Variants in SUCLG2 observed in about 807,000 individuals in gnomAD.
SUCLG2 encodes succinate--CoA ligase [GDP-forming] subunit beta, mitochondrial.
SUCLG2 carries 42 observed loss-of-function variants against 47.9 expected under a neutral mutation model. The observed-to-expected ratio is 0.88, with a 90% CI of 0.69 to 1.14. The LOEUF is 1.14. Ranked by LOEUF, SUCLG2 falls within the 50% of genes most tolerant of loss-of-function variation. The pLI is 0.00. For missense variants in SUCLG2, 571 were observed against 525.9 expected, an observed-to-expected ratio of 1.09 and a Z score of -0.84; for synonymous variants, 195 against 197.3, an observed-to-expected ratio of 0.99 and a Z score of 0.10.
At chr3:67,447,338 A>C (rs1354012986) in intron 9 of SUCLG2, among the ~76,000 whole-genome samples, 2 of 152,230 alleles carry the variant, frequency 1.3e-5, no homozygotes, top group Non-Finnish European at 2.9e-5. Context: ...GACTGTTTAA[A>C]TATAGAAAAT....
chr3:67,429,008 C>A (rs981836244), intron 9 of SUCLG2, among the ~76,000 whole-genome samples: 3 of 152,158 alleles, frequency 2.0e-5, no homozygotes, highest in Non-Finnish European at 4.4e-5. Context: ...GAGAATGGAA[C>A]CAAGTTGGAA....
chr3:67,653,790 G>A (rs941296051), intron 1 of SUCLG2, among the ~76,000 whole-genome samples: 1 of 152,184 alleles, frequency 6.6e-6, no homozygotes, highest in African/African-American at 2.4e-5. Flanking sequence ...TCTGCAGAAG[G>A]TAAAAATCTG....
At chr3:67,568,069 T>G (rs1707509123) in intron 2 of SUCLG2, among the ~76,000 whole-genome samples, 1 of 152,212 alleles carries the variant, frequency 6.6e-6, no homozygotes. Context: ...CAGTGACTTC[T>G]GTTGTGTGTG....
At chr3:67,361,252 T>C (rs905519757) in intron 10 of SUCLG2, among the ~76,000 whole-genome samples, 25 of 152,128 alleles carry the variant, frequency 1.6e-4, no homozygotes, top group African/African-American at 5.6e-4. Flanking sequence ...TATTATAGAG[T>C]TCTCCACCAT....
chr3:67,548,857 C>T (rs780961414), intron 2 of SUCLG2, among the ~76,000 whole-genome samples: 14 of 152,266 alleles, frequency 9.2e-5, no homozygotes, highest in South Asian at 2.1e-4. Flanking sequence ...AAGAGGCACC[C>T]AACAGGTATG....
intron 9 of SUCLG2, among the ~76,000 whole-genome samples, chr3:67,473,803 C>T (rs894115696): frequency 1.3e-5 from 2 of 152,198 alleles, no homozygotes; most frequent in Non-Finnish European, 2.9e-5. Flanking sequence ...AAACCACTTG[C>T]TTTAAGTAAA....
intron 10 of SUCLG2, among the ~76,000 whole-genome samples, chr3:67,364,650 G>A (rs894794115): frequency 1.1e-4 from 16 of 152,226 alleles, no homozygotes; most frequent in African/African-American, 3.9e-4. Context: ...TGGCAGCAGT[G>A]AGGTATCTCC....
At chr3:67,414,156 A>ATTTTT (rs1274903593) in intron 9 of SUCLG2, among the ~76,000 whole-genome samples, 1 of 152,040 alleles carries the variant, frequency 6.6e-6, no homozygotes, top group African/African-American at 2.4e-5. Flanking sequence ...GGCATCTCCC[A>ATTTTT]TTTTTTTGTT....
intron 9 of SUCLG2, among the ~76,000 whole-genome samples, chr3:67,431,148 A>C (rs1054666069): frequency 3.3e-5 from 5 of 151,382 alleles, no homozygotes; most frequent in South Asian, 2.1e-4. Flanking sequence ...GACACAACAA[A>C]AAAAAAGAGA....
In SUCLG2 at chr3:67,529,088, CTT is replaced by C; in HGVS notation, c.323_324del (p.Lys108ArgfsTer3). 6.2e-7 allele frequency: 1 copy of C among 1,609,914 alleles called. No individual in the cohort carries two copies. Among genetic ancestry groups the C allele is most frequent in the Non-Finnish European group, 8.5e-7 (1 of 1,178,620 alleles). On this transcript the variant is annotated frameshift_variant and splice_region_variant, in exon 3 of 11. Transcript: ENST00000307227. LOFTEE classifies it high-confidence loss of function. Reference sequence around the variant, plus strand: ...AGGAATAACAACCTCCAGACTTACTCTTTTGTTAAATGAACACCTCCTTTCAA... The same window carrying C: ...AGGAATAACAACCTCCAGACTTACTCTTGTTAAATGAACACCTCCTTTCAA... ...SGLKGGVHLT[K>X]DPNVVGQLAK...
At chr3:67,482,901 G>A (rs1296338913) in intron 9 of SUCLG2, among the ~76,000 whole-genome samples, 1 of 152,136 alleles carries the variant, frequency 6.6e-6, no homozygotes, top group Non-Finnish European at 1.5e-5. Flanking sequence ...ACACCTAAAC[G>A]TTTGCTCAAA....
intron 9 of SUCLG2, among the ~76,000 whole-genome samples, chr3:67,472,306 CCAT>C (rs1704624533): frequency 6.6e-6 from 1 of 152,148 alleles, no homozygotes; most frequent in Non-Finnish European, 1.5e-5. Context: ...AAAAACAAGA[CCAT>C]GTTTCCTTTC....
chr3:67,395,958 G>GT (rs1231291518), intron 10 of SUCLG2, among the ~76,000 whole-genome samples: 4 of 152,110 alleles, frequency 2.6e-5, no homozygotes, highest in African/African-American at 9.7e-5. Context: ...AAATAAAGAT[G>GT]TTTTTTGAAA....
At chr3:67,480,106 A>T (rs1424577091) in intron 9 of SUCLG2, among the ~76,000 whole-genome samples, 1 of 150,052 alleles carries the variant, frequency 6.7e-6, no homozygotes, top group Non-Finnish European at 1.5e-5. Flanking sequence ...GGGCCACCAT[A>T]GGACGCAAGA....
At chr3:67,426,846 G>T (rs150512138) in intron 9 of SUCLG2, among the ~76,000 whole-genome samples, 22 of 152,206 alleles carry the variant, frequency 1.4e-4, no homozygotes, top group African/African-American at 5.3e-4. Context: ...GGAATCACTT[G>T]AACCCTGGAA....
intron 7 of SUCLG2, among the ~76,000 whole-genome samples, chr3:67,502,326 T>C (rs1023468663): frequency 4.6e-5 from 7 of 152,226 alleles, no homozygotes; most frequent in African/African-American, 1.7e-4. Context: ...TGCTTTCCTA[T>C]CTTACTATCT....
rs904507162 is a variant in SUCLG2 at position 67,408,833 on chromosome 3, T to C, written c.1063-7982A>G. 3.5e-6 allele frequency: 5 copies of C among 1,418,200 alleles called. No individual in the cohort carries two copies. The African/African-American group carries it at 7.2e-5, about 21-fold the overall frequency. 87.9% of individuals were successfully genotyped at this position (1,418,200 alleles called of 1,614,324 possible). ...TTAAACATCACACAGCAGTAGGCAA[T>C]GGTGTCAAGATTTAAATTAAGGCGG... On this transcript the variant is annotated intron_variant, in intron 9 of 10. Transcript: ENST00000307227.
chr3:67,495,741 T>G, intron 9 of SUCLG2, 57 bp downstream of exon 9: 1 of 1,602,858 alleles, frequency 6.2e-7, no homozygotes, highest in Admixed American at 1.7e-5. Context: ...ACAAGTGAGC[T>G]CTTGACGGTG....
chr3:67,557,138 A>G (rs1707183142), intron 2 of SUCLG2, among the ~76,000 whole-genome samples: 1 of 152,192 alleles, frequency 6.6e-6, no homozygotes, highest in Admixed American at 6.6e-5. Flanking sequence ...TAATGTTTGC[A>G]GACTTCTCCC....
Sources: gnomAD v4.1 joint callset for allele counts (sites outside exome capture counted in the v4.1 genomes callset) on GRCh38, gnomAD v4.1.1 for gene constraint, MANE v1.5 for transcripts, NCBI Gene and HGNC (gene_info 2026-07-23, HGNC 2026-07-21) for gene names.